DYM: variants seen among roughly 807,000 people sequenced by gnomAD.
The protein encoded by DYM is dymeclin, also known as dyggve-Melchior-Clausen syndrome protein.
Under a neutral mutation model 93.1 loss-of-function variants are expected in DYM, and 78 were observed. The ratio of observed to expected loss-of-function variants is 0.84; its 90% CI spans 0.70 to 1.01. The LOEUF (loss-of-function observed/expected upper bound fraction) is 1.01. DYM is among the 50% of genes least tolerant of loss of function. DYM has a pLI of 0.00. For missense variants in DYM, 789 were observed against 845.0 expected, an observed-to-expected ratio of 0.93 and a Z score of 0.82; for synonymous variants, 321 against 319.7, an observed-to-expected ratio of 1.00 and a Z score of -0.04.
intron 14 of DYM, among the ~76,000 whole-genome samples, chr18:49,207,932 C>T (rs1426478952): frequency 6.6e-6 from 1 of 151,986 alleles, no homozygotes. Flanking sequence ...CCTGTAATTC[C>T]AACACTTTGG....
intron 14 of DYM, among the ~76,000 whole-genome samples, chr18:49,185,738 T>A (rs1893527): frequency 0.64 from 97,408 of 152,040 alleles, 32,100 homozygotes; most frequent in Non-Finnish European, 0.74. Context: ...CCTCGTTTAA[T>A]CCTGGCCTCA....
At chr18:49,081,518 GAGGGAGAGGGGAGAGGGGAGAGGGGAGA>G (rs1340883082) in intron 17 of DYM, among the ~76,000 whole-genome samples, 1 of 127,080 alleles carries the variant, frequency 7.9e-6, no homozygotes. Flanking sequence ...GGGAGACCGA[GAGGGAGAGGGGAGAGGGGAGAGGGGAGA>G]GGGGAGAGGG....
chr18:49,386,788 T>G (rs1239707436), intron 3 of DYM, among the ~76,000 whole-genome samples: 1 of 152,198 alleles, frequency 6.6e-6, no homozygotes, highest in Non-Finnish European at 1.5e-5. Flanking sequence ...TTTGCTTTAT[T>G]GTGCTTCAAA....
chr18:49,336,006 G>T (rs1433484142), intron 6 of DYM, among the ~76,000 whole-genome samples: 2 of 152,076 alleles, frequency 1.3e-5, no homozygotes, highest in Admixed American at 6.5e-5. Flanking sequence ...CAAAGAGGGG[G>T]TTTTACCATG....
At chr18:49,430,174 C>A (rs568594889) in intron 2 of DYM, 81 bp downstream of exon 2, 1 of 1,350,306 alleles carries the variant, frequency 7.4e-7, no homozygotes, top group African/African-American at 1.4e-5. Flanking sequence ...CAGAACATTT[C>A]TAAATTTTTT....
At chr18:49,304,650 C>T (rs1340584203) in intron 8 of DYM, among the ~76,000 whole-genome samples, 1 of 152,150 alleles carries the variant, frequency 6.6e-6, no homozygotes, top group Non-Finnish European at 1.5e-5. Flanking sequence ...GCTTCCAAGT[C>T]ATTTCTCCTC....
In DYM at chr18:49,040,209, A is replaced by G. The variant is rs2070857081; in HGVS notation, c.*3846T>C. On this transcript the variant is annotated 3_prime_UTR_variant, in exon 18 of 18. Transcript: ENST00000675505. ...TTAAAATTTGCTTGAAGGACCCCAG[A>G]GTCAACAAGATAGTTAAGTATTACT... 6.6e-6 allele frequency: 1 copy of G among 152,224 alleles called. No homozygotes were observed. Among genetic ancestry groups the G allele is most frequent in the African/African-American group, 2.4e-5 (1 of 41,454 alleles). 9.4% of individuals were successfully genotyped at this position (152,224 alleles called of 1,614,324 possible). A position where few individuals can be genotyped will look rare whatever the true frequency, so the allele number is the denominator to read the frequency against.
intron 8 of DYM, among the ~76,000 whole-genome samples, chr18:49,317,695 T>TCC (rs1322444341): frequency 7.0e-6 from 1 of 142,882 alleles, no homozygotes. Context: ...CTTCCTTTCT[T>TCC]TCTTTCTTTC....
chr18:49,079,819 C>G (rs545805821), intron 17 of DYM, among the ~76,000 whole-genome samples: 4 of 152,018 alleles, frequency 2.6e-5, no homozygotes, highest in African/African-American at 7.2e-5. Context: ...TACACAAACA[C>G]GGCAACCATC....
chr18:49,167,402 G>T (rs575969598), intron 14 of DYM, among the ~76,000 whole-genome samples: 2 of 152,158 alleles, frequency 1.3e-5, no homozygotes, highest in Non-Finnish European at 2.9e-5. Context: ...TGTAAGAATA[G>T]ATCATTTGAG....
intron 13 of DYM, among the ~76,000 whole-genome samples, chr18:49,243,253 A>G (rs977499807): frequency 5.9e-5 from 9 of 152,186 alleles, no homozygotes; most frequent in Non-Finnish European, 1.2e-4. Flanking sequence ...GCATGAGTCT[A>G]TGGTGTGAAT....
chr18:49,289,767 ATATAT>A (rs1568181482), intron 8 of DYM, among the ~76,000 whole-genome samples: 3 of 47,080 alleles, frequency 6.4e-5, no homozygotes, highest in Non-Finnish European at 1.2e-4. Context: ...ATATATATAT[ATATAT>A]ACACATATAT....
intron 2 of DYM, among the ~76,000 whole-genome samples, chr18:49,408,264 C>T (rs999592047): frequency 2.0e-5 from 3 of 152,156 alleles, no homozygotes; most frequent in Non-Finnish European, 2.9e-5. Context: ...TTGTTTTTAA[C>T]GGCTATATGT....
At chr18:49,154,989 G>A (rs1028828676) in intron 15 of DYM, among the ~76,000 whole-genome samples, 8 of 152,042 alleles carry the variant, frequency 5.3e-5, no homozygotes, top group Admixed American at 2.0e-4. Flanking sequence ...TATATCATGG[G>A]TATCTTTTCA....
At chr18:49,170,890 GGAAA>G (rs2145247160) in intron 14 of DYM, among the ~76,000 whole-genome samples, 1 of 151,114 alleles carries the variant, frequency 6.6e-6, no homozygotes, top group African/African-American at 2.4e-5. Flanking sequence ...AGAAGAACTA[GGAAA>G]GAAAGACATT....
chr18:49,061,327 G>A (rs1439232569), intron 17 of DYM, among the ~76,000 whole-genome samples: 1 of 152,136 alleles, frequency 6.6e-6, no homozygotes, highest in Non-Finnish European at 1.5e-5. Context: ...GAGGTGGGGG[G>A]AAGGGCATCC....
chr18:49,257,569 C>T (rs2094412615), intron 12 of DYM, among the ~76,000 whole-genome samples: 1 of 152,084 alleles, frequency 6.6e-6, no homozygotes, highest in African/African-American at 2.4e-5. Context: ...GGAGTAGGGG[C>T]TCACGCCTGT....
intron 14 of DYM, among the ~76,000 whole-genome samples, chr18:49,172,479 G>A (rs777559792): frequency 2.4e-4 from 37 of 152,250 alleles, no homozygotes; most frequent in Non-Finnish European, 4.4e-4. Context: ...ATTTTAGTGG[G>A]TGTGAAGTAA....
At chr18:49,342,145 C>T (rs1346439394) in intron 6 of DYM, among the ~76,000 whole-genome samples, 1 of 152,124 alleles carries the variant, frequency 6.6e-6, no homozygotes, top group Non-Finnish European at 1.5e-5. Flanking sequence ...GGTTGTAGGA[C>T]CCAGGTCCCT....
Sources: gnomAD v4.1 joint callset for allele counts (sites outside exome capture counted in the v4.1 genomes callset) on GRCh38, gnomAD v4.1.1 for gene constraint, MANE v1.5 for transcripts, NCBI Gene and HGNC (gene_info 2026-07-23, HGNC 2026-07-21) for gene names.